GRM5: variants seen among roughly 807,000 people sequenced by gnomAD.
The protein encoded by GRM5 is metabotropic glutamate receptor 5.
A neutral mutation model predicts 83.1 loss-of-function variants in GRM5; 19 were observed. The observed-to-expected ratio is 0.23, with a 90% CI of 0.16 to 0.34. GRM5 has a LOEUF of 0.34. Ranked by LOEUF, GRM5 falls within the 10% of genes least tolerant of loss-of-function variation. GRM5 has a pLI of 1.00. For missense variants in GRM5, 1,160 were observed against 1,588.3 expected (o/e 0.73, Z 4.58); for synonymous variants, 675 against 633.6 (o/e 1.07, Z -0.98).
At chr11:88,804,710 C>A (rs1198392741) in intron 3 of GRM5, among the ~76,000 whole-genome samples, 1 of 151,672 alleles carries the variant, frequency 6.6e-6, no homozygotes, top group Non-Finnish European at 1.5e-5. Flanking sequence ...AATAAAAAAA[C>A]AAAAACAAAC....
At chr11:89,054,351 C>T (rs1426031690) in intron 1 of GRM5, among the ~76,000 whole-genome samples, 1 of 152,154 alleles carries the variant, frequency 6.6e-6, no homozygotes, top group Non-Finnish European at 1.5e-5. Context: ...GATAGAGTCG[C>T]ATCGGCTGTG....
intron 3 of GRM5, among the ~76,000 whole-genome samples, chr11:88,825,603 A>G (rs1358496087): frequency 6.6e-6 from 1 of 152,200 alleles, no homozygotes; most frequent in East Asian, 1.9e-4. Context: ...ACAAATCACA[A>G]GTGGGATGCA....
At position 88,800,490 on chromosome 11, in the gene GRM5, G is replaced by C. The variant is rs547006660; in HGVS notation, c.911+49416C>G. Among the ~76,000 whole-genome samples the C allele has an allele frequency of 7.9e-5, 12 of 151,884 alleles. No individual in the cohort carries two copies. The East Asian group carries it at 2.3e-3, about 29-fold the overall frequency. The stretch of plus-strand genomic sequence containing the variant: ...TTATCTATTTCCAGTAGTAAATTTT[G>C]TGTTCCTGAAGGACAAGAATCATAT... On this transcript the variant is annotated intron_variant, in intron 3 of 9. Transcript: ENST00000305447.
chr11:88,880,233 AG>A (rs2135572081), intron 2 of GRM5, among the ~76,000 whole-genome samples: 1 of 152,292 alleles, frequency 6.6e-6, no homozygotes, highest in South Asian at 2.1e-4. Context: ...AGGAAAAAGA[AG>A]GTCTTAACAG....
chr11:89,009,392 A>G (rs1940619527), intron 2 of GRM5, among the ~76,000 whole-genome samples: 1 of 152,186 alleles, frequency 6.6e-6, no homozygotes, highest in Non-Finnish European at 1.5e-5. Context: ...CCACTAATTG[A>G]CCTAAGTTTC....
At chr11:88,525,546 C>T in intron 8 of GRM5, 142 bp from the exon 9 acceptor site, 1 of 653,128 alleles carries the variant, frequency 1.5e-6, no homozygotes, top group Non-Finnish European at 2.7e-6. Context: ...AATGACCAAC[C>T]TGTGATACTT....
intron 2 of GRM5, among the ~76,000 whole-genome samples, chr11:88,904,579 C>G (rs1287474824): frequency 6.6e-6 from 1 of 152,074 alleles, no homozygotes; most frequent in Admixed American, 6.6e-5. Flanking sequence ...TGTATACTCC[C>G]TTTTCTTTTT....
chr11:88,580,491 T>A lies in GRM5; in HGVS notation c.1690+10110A>T, dbSNP rs939356005. Among the ~76,000 whole-genome samples, 11 of 152,310 alleles carry A rather than the reference T, an allele frequency of 7.2e-5. No homozygotes were observed. In the South Asian group the frequency reaches 1.0e-3, roughly 14 times the overall value. On this transcript the variant is annotated intron_variant, in intron 7 of 9. Coordinates refer to ENST00000305447, the MANE Select transcript of GRM5 (RefSeq NM_001143831.3). Reference sequence around the variant, plus strand: ...CTAGATCCTTTTTGGGAAGGTTATTTTTTTATTTTTATTTTGCCAGTGAGG... The same window carrying A: ...CTAGATCCTTTTTGGGAAGGTTATTATTTTATTTTTATTTTGCCAGTGAGG...
intron 9 of GRM5, among the ~76,000 whole-genome samples, chr11:88,512,533 T>C (rs569537765): frequency 6.6e-6 from 1 of 152,324 alleles, no homozygotes; most frequent in South Asian, 2.1e-4. Flanking sequence ...AGCATGATCT[T>C]AATAAGCATT....
intron 3 of GRM5, among the ~76,000 whole-genome samples, chr11:88,747,112 A>T (rs1297287547): frequency 2.0e-5 from 3 of 152,222 alleles, no homozygotes; most frequent in Non-Finnish European, 4.4e-5. Flanking sequence ...CATTTCTAAC[A>T]AACAACCTTC....
At chr11:88,666,475 G>A (rs574513273) in intron 3 of GRM5, among the ~76,000 whole-genome samples, 1 of 152,256 alleles carries the variant, frequency 6.6e-6, no homozygotes, top group African/African-American at 2.4e-5. Flanking sequence ...TCAAGAGTGA[G>A]AACTCACTCA....
chr11:89,041,380 C>T (rs998411230), intron 2 of GRM5, among the ~76,000 whole-genome samples: 6 of 152,134 alleles, frequency 3.9e-5, no homozygotes, highest in African/African-American at 1.4e-4. Flanking sequence ...CTAGTATTTT[C>T]AGCAATTGAT....
chr11:88,754,810 A>G (rs1490537192), intron 3 of GRM5, among the ~76,000 whole-genome samples: 2 of 152,122 alleles, frequency 1.3e-5, no homozygotes, highest in Admixed American at 6.6e-5. Flanking sequence ...ATAACTTGCC[A>G]AAGTCTGACA....
At chr11:88,845,465 G>A (rs1944286355) in intron 3 of GRM5, among the ~76,000 whole-genome samples, 1 of 109,422 alleles carries the variant, frequency 9.1e-6, no homozygotes, top group Non-Finnish European at 1.7e-5. Flanking sequence ...ACAGAGTCTC[G>A]CTCTGTCGCC....
intron 2 of GRM5, among the ~76,000 whole-genome samples, chr11:88,860,165 G>GA (rs1159337523): frequency 6.6e-6 from 1 of 152,086 alleles, no homozygotes; most frequent in East Asian, 1.9e-4. Flanking sequence ...TTTCCATAAT[G>GA]AAAAAATCAC....
At chr11:88,989,828 A>C (rs1478674841) in intron 2 of GRM5, among the ~76,000 whole-genome samples, 6 of 151,130 alleles carry the variant, frequency 4.0e-5, no homozygotes, top group Admixed American at 1.3e-4. Context: ...ACAAAGACAC[A>C]ACATACCAGA....
intron 2 of GRM5, among the ~76,000 whole-genome samples, chr11:89,016,697 C>G (rs576672707): frequency 5.9e-5 from 9 of 152,216 alleles, no homozygotes; most frequent in Non-Finnish European, 1.3e-4. Flanking sequence ...TTCTACACAT[C>G]TGGGTGTACT....
intron 3 of GRM5, among the ~76,000 whole-genome samples, chr11:88,720,098 G>A (rs61904089): frequency 0.15 from 22,500 of 151,950 alleles, 1,828 homozygotes; most frequent in Middle Eastern, 0.2. Context: ...TAAAAGTCCC[G>A]TGAAGACAGA....
chr11:88,911,717 G>T (rs1265859315), intron 2 of GRM5, among the ~76,000 whole-genome samples: 3 of 152,114 alleles, frequency 2.0e-5, no homozygotes, highest in East Asian at 3.9e-4. Context: ...CAGATCACTG[G>T]TTTACACATT....
Sources: allele counts gnomAD v4.1 joint callset (sites outside exome capture counted in the v4.1 genomes callset), GRCh38; gene constraint gnomAD v4.1.1; transcripts MANE v1.5; gene names NCBI Gene and HGNC (gene_info 2026-07-23, HGNC 2026-07-21).